The following NLK variants were observed in gnomAD, a reference collection of about 807,000 sequenced individuals.
The protein encoded by NLK is nemo like kinase, also known as serine/threonine-protein kinase NLK.
In NLK, 11 loss-of-function variants were observed where a neutral mutation model predicts 59.0. The observed-to-expected ratio is 0.19, with a 90% CI of 0.12 to 0.31. The LOEUF (loss-of-function observed/expected upper bound fraction) is 0.31. Among genes scored for constraint, NLK ranks in the 10% least tolerant of loss-of-function variants. NLK has a pLI of 1.00. For missense variants in NLK, 410 were observed against 661.1 expected, an observed-to-expected ratio of 0.62 and a Z score of 4.16; for synonymous variants, 235 against 235.9, an observed-to-expected ratio of 1.00 and a Z score of 0.03.
At chr17:28,051,265 C>A (rs1459912726) in intron 1 of NLK, among the ~76,000 whole-genome samples, 3 of 151,680 alleles carry the variant, frequency 2.0e-5, no homozygotes, top group African/African-American at 7.3e-5. Flanking sequence ...TAATACAATT[C>A]TTCCAAATCT....
At chr17:28,092,747 T>TTTTTTTTTTA (rs1904541723) in intron 1 of NLK, among the ~76,000 whole-genome samples, 2 of 139,314 alleles carry the variant, frequency 1.4e-5, no homozygotes, top group African/African-American at 2.8e-5. Flanking sequence ...AAGTGGCTTG[T>TTTTTTTTTTA]TTTTATTTTA....
intron 1 of NLK, among the ~76,000 whole-genome samples, chr17:28,096,737 A>G (rs1188145629): frequency 2.6e-5 from 4 of 152,202 alleles, no homozygotes; most frequent in African/African-American, 9.6e-5. Flanking sequence ...AGAATTTTTC[A>G]ACATCTTAAT....
chr17:28,055,132 C>T (rs538870236), intron 1 of NLK, among the ~76,000 whole-genome samples: 2 of 140,416 alleles, frequency 1.4e-5, no homozygotes, highest in Admixed American at 1.5e-4. Flanking sequence ...CTCGCTCTGT[C>T]ACCAGGCTGG....
chr17:28,108,955 T>G (rs551291694), intron 1 of NLK, among the ~76,000 whole-genome samples: 131 of 152,064 alleles, frequency 8.6e-4, no homozygotes, highest in African/African-American at 2.8e-3. Flanking sequence ...GATCATGAGG[T>G]CAGGAGATCC....
intron 1 of NLK, among the ~76,000 whole-genome samples, chr17:28,059,388 A>C (rs997907195): frequency 2.0e-5 from 3 of 152,128 alleles, no homozygotes; most frequent in African/African-American, 7.2e-5. Flanking sequence ...TTGAAAAGAA[A>C]TAGTCCTTTA....
intron 6 of NLK, among the ~76,000 whole-genome samples, chr17:28,171,762 T>C (rs1462675909): frequency 1.2e-4 from 19 of 152,158 alleles, no homozygotes; most frequent in Admixed American, 1.0e-3. Flanking sequence ...GAAAGAATAG[T>C]CATTAGGCAT....
chr17:28,134,074 A>G lies in NLK; in HGVS notation c.644+1399A>G, dbSNP rs34594736. ...GAAACTGCATCCATGGATGAAAAAT[A>G]TTTGAAAAAAAAATAAAAATAAAAA... On this transcript the variant is annotated intron_variant, in intron 3 of 10. Coordinates refer to ENST00000407008, the MANE Select transcript of NLK (RefSeq NM_016231.5). Among the ~76,000 whole-genome samples, 513 of 152,022 alleles carry G rather than the reference A, an allele frequency of 3.4e-3. 3 individuals are homozygous for G. Among genetic ancestry groups the G allele is most frequent in the African/African-American group, 0.012 (483 of 41,482 alleles).
intron 3 of NLK, among the ~76,000 whole-genome samples, chr17:28,143,936 C>T (rs1207821312): frequency 2.0e-5 from 3 of 152,192 alleles, no homozygotes; most frequent in Admixed American, 6.5e-5. Flanking sequence ...ACCTTGTCAT[C>T]GGTAAGCATT....
At chr17:28,130,421 G>A (rs1906468708) in intron 2 of NLK, among the ~76,000 whole-genome samples, 1 of 151,968 alleles carries the variant, frequency 6.6e-6, no homozygotes, top group Non-Finnish European at 1.5e-5. Context: ...AAAACAACAG[G>A]CGTTTAAAAA....
chr17:28,138,601 A>G (rs528196888), intron 3 of NLK, among the ~76,000 whole-genome samples: 1 of 152,356 alleles, frequency 6.6e-6, no homozygotes, highest in Non-Finnish European at 1.5e-5. Context: ...GAGTCATTAA[A>G]AAACTAAGAA....
At chr17:28,131,742 T>C (rs1465990010) in intron 2 of NLK, among the ~76,000 whole-genome samples, 1 of 152,110 alleles carries the variant, frequency 6.6e-6, no homozygotes, top group Non-Finnish European at 1.5e-5. Flanking sequence ...GGGGATTTGT[T>C]TGTTATGTTT....
intron 10 of NLK, among the ~76,000 whole-genome samples, chr17:28,194,116 G>C (rs1909404197): frequency 6.6e-6 from 1 of 152,190 alleles, no homozygotes; most frequent in African/African-American, 2.4e-5. Context: ...ACTGTATTTT[G>C]AGAGGCTACT....
At chr17:28,050,345 G>A (rs1909205588) in intron 1 of NLK, among the ~76,000 whole-genome samples, 1 of 152,162 alleles carries the variant, frequency 6.6e-6, no homozygotes, top group South Asian at 2.1e-4. Context: ...GTGGGTGGTA[G>A]GAAGTGTAAG....
intron 1 of NLK, among the ~76,000 whole-genome samples, chr17:28,053,597 AC>A (rs1909335538): frequency 6.6e-6 from 1 of 152,218 alleles, no homozygotes. Context: ...CAGACTTCTT[AC>A]AGGGGAATGG....
chr17:28,103,747 G>T (rs1038761115), intron 1 of NLK, among the ~76,000 whole-genome samples: 1 of 152,138 alleles, frequency 6.6e-6, no homozygotes, highest in African/African-American at 2.4e-5. Context: ...ATTTGAAAAC[G>T]TAAGAGATAG....
chr17:28,172,638 T>C lies in NLK; in HGVS notation c.1149+20T>C. The C allele has an allele frequency of 2.2e-6, 3 of 1,379,212 alleles. No homozygotes were observed. Among genetic ancestry groups the C allele is most frequent in the Non-Finnish European group, 2.9e-6 (3 of 1,020,506 alleles). 85.4% of individuals were successfully genotyped at this position (1,379,212 alleles called of 1,614,324 possible). A position where few individuals can be genotyped will look rare whatever the true frequency, so the allele number is the denominator to read the frequency against. Reference sequence around the variant, plus strand: ...AAACAGGTGAGAGGAGGGGGGAATCTTTTTCTGGTAACCATCTGTTTGGGC... The same window carrying C: ...AAACAGGTGAGAGGAGGGGGGAATCCTTTTCTGGTAACCATCTGTTTGGGC... On this transcript the variant is annotated intron_variant, in intron 7 of 10. Transcript: ENST00000407008.
chr17:28,190,827 G>C, intron 8 of NLK, 194 bp from the exon 9 acceptor site: 1 of 488,988 alleles, frequency 2.0e-6, no homozygotes. Context: ...GATAATAACA[G>C]TAGTTGTCCT....
At chr17:28,183,337 CTTTT>C (rs554482988) in intron 7 of NLK, among the ~76,000 whole-genome samples, 1 of 151,816 alleles carries the variant, frequency 6.6e-6, no homozygotes, top group East Asian at 1.9e-4. Context: ...TAGGCTTTGA[CTTTT>C]TTTTGTTTTT....
chr17:28,107,780 T>C, intron 1 of NLK, among the ~76,000 whole-genome samples: 1 of 152,202 alleles, frequency 6.6e-6, no homozygotes. Flanking sequence ...TTCATTGATC[T>C]GGGATGGGAT....
Sources: gnomAD v4.1 joint callset for allele counts (sites outside exome capture counted in the v4.1 genomes callset) on GRCh38, gnomAD v4.1.1 for gene constraint, MANE v1.5 for transcripts, NCBI Gene and HGNC (gene_info 2026-07-23, HGNC 2026-07-21) for gene names.